Variants in STK33 observed in about 807,000 individuals in gnomAD.
STK33 encodes serine/threonine-protein kinase 33.
STK33 carries 52 observed loss-of-function variants against 58.0 expected under a neutral mutation model. The ratio of observed to expected loss-of-function variants is 0.90; its 90% CI spans 0.72 to 1.13. STK33 has a LOEUF of 1.13. Ranked by LOEUF, STK33 falls within the 50% of genes most tolerant of loss-of-function variation. The probability of loss-of-function intolerance (pLI) is 0.00; values close to 1 mark genes in which losing one functional copy is unlikely to be tolerated. For synonymous variants in STK33, 215 were observed against 200.1 expected (o/e 1.07, Z -0.63); for missense variants, 630 against 604.2 (o/e 1.04, Z -0.45).
At chr11:8,419,860 T>C (rs1043228019) in intron 14 of STK33, among the ~76,000 whole-genome samples, 1 of 152,230 alleles carries the variant, frequency 6.6e-6, no homozygotes, top group African/African-American at 2.4e-5. Flanking sequence ...GACTTAATGA[T>C]GGTTATCTTT....
intron 15 of STK33, among the ~76,000 whole-genome samples, chr11:8,397,929 C>T (rs182446133): frequency 1.1e-3 from 175 of 152,192 alleles, no homozygotes; most frequent in African/African-American, 3.8e-3. Context: ...TAAAAAGAAA[C>T]GAACAAAGCC....
chr11:8,436,155 T>A lies in STK33; in HGVS notation c.948-16A>T. ...TCCACGTAATCTGCAACAAAGGCAATCACTTTGTTTAAATTTTTTAAATAA... is the reference window on the plus strand; with the variant it reads ...TCCACGTAATCTGCAACAAAGGCAAACACTTTGTTTAAATTTTTTAAATAA... On this transcript the variant is annotated splice_polypyrimidine_tract_variant and intron_variant, in intron 12 of 15. Coordinates refer to ENST00000687296, the MANE Select transcript of STK33 (RefSeq NM_001352389.2). The A allele has an allele frequency of 6.9e-7, 1 of 1,448,842 alleles. No homozygotes were observed. The highest frequency in any genetic ancestry group is 1.4e-5 in the South Asian group (1 of 72,316). 89.7% of individuals were successfully genotyped at this position (1,448,842 alleles called of 1,614,324 possible). A position where few individuals can be genotyped will look rare whatever the true frequency, so the allele number is the denominator to read the frequency against.
intron 1 of STK33, among the ~76,000 whole-genome samples, chr11:8,481,680 T>TA (rs1208093187): frequency 1.3e-5 from 2 of 152,164 alleles, no homozygotes; most frequent in Non-Finnish European, 2.9e-5. Context: ...CTAGCCTGAC[T>TA]CCAGCCAGGC....
chr11:8,587,704 T>C (rs2031933725), intron 1 of STK33, among the ~76,000 whole-genome samples: 1 of 151,818 alleles, frequency 6.6e-6, no homozygotes, highest in Non-Finnish European at 1.5e-5. Flanking sequence ...GTAGGGAAAA[T>C]CTTAAGGCCT....
chr11:8,478,125 T>C (rs2138063375), intron 2 of STK33, among the ~76,000 whole-genome samples: 1 of 152,322 alleles, frequency 6.6e-6, no homozygotes, highest in South Asian at 2.1e-4. Context: ...ATTTACGAAT[T>C]GATCTGAAAG....
intron 1 of STK33, among the ~76,000 whole-genome samples, chr11:8,586,541 G>C (rs1195079359): frequency 6.6e-6 from 1 of 151,896 alleles, no homozygotes; most frequent in Non-Finnish European, 1.5e-5. Context: ...TTATTGGCTT[G>C]GGCTGGACAC....
the STK33 span, among the ~76,000 whole-genome samples, chr11:8,376,360 G>T: frequency 6.6e-6 from 1 of 152,144 alleles, no homozygotes; most frequent in African/African-American, 2.4e-5. Flanking sequence ...TGTTGGGTGG[G>T]GCTGGGTGGA....
chr11:8,399,335 AT>A (rs1849961544), intron 15 of STK33, among the ~76,000 whole-genome samples: 2 of 152,168 alleles, frequency 1.3e-5, no homozygotes, highest in Non-Finnish European at 2.9e-5. Context: ...GCTCAACTAC[AT>A]GGAAACTGAA....
chr11:8,398,441 T>TAAA (rs1422981695), intron 15 of STK33, among the ~76,000 whole-genome samples: 2 of 152,104 alleles, frequency 1.3e-5, no homozygotes. Context: ...AGGCCTGCCC[T>TAAA]AAAAGAGCTC....
intron 15 of STK33, among the ~76,000 whole-genome samples, chr11:8,408,866 A>C (rs1939720194): frequency 6.6e-6 from 1 of 152,204 alleles, no homozygotes; most frequent in African/African-American, 2.4e-5. Flanking sequence ...GATGTGCTTA[A>C]TTCCCCCTGC....
intron 1 of STK33, among the ~76,000 whole-genome samples, chr11:8,558,624 G>A (rs767792296): frequency 2.6e-5 from 4 of 152,158 alleles, no homozygotes; most frequent in Non-Finnish European, 4.4e-5. Flanking sequence ...CACCAGATGC[G>A]GGTGGGTGTG....
At chr11:8,344,230 C>CACACACACACACACACACA in the STK33 span, among the ~76,000 whole-genome samples, 14 of 147,496 alleles carry the variant, frequency 9.5e-5, no homozygotes, top group South Asian at 2.1e-4. Context: ...CACACACACA[C>CACACACACACACACACACA]CCCAGTTAGC....
At chr11:8,546,222 T>G (rs1213451562) in intron 1 of STK33, among the ~76,000 whole-genome samples, 1 of 152,226 alleles carries the variant, frequency 6.6e-6, no homozygotes. Flanking sequence ...CTGTACACTG[T>G]GCAAATACTT....
intron 1 of STK33, among the ~76,000 whole-genome samples, chr11:8,563,837 G>A (rs9300090): frequency 0.62 from 93,961 of 152,030 alleles, 31,053 homozygotes; most frequent in African/African-American, 0.87. Flanking sequence ...GCAATCAGTT[G>A]GCCAGGGAAA....
chr11:8,433,010 A>C (rs1943598141), intron 14 of STK33, among the ~76,000 whole-genome samples: 1 of 152,198 alleles, frequency 6.6e-6, no homozygotes, highest in South Asian at 2.1e-4. Context: ...AAATGGCCCA[A>C]CCCGAATGTT....
At position 8,457,378 on chromosome 11, in the gene STK33, TTGAA is replaced by T; in HGVS notation, c.656_659del (p.Ile219LysfsTer7). 1 of 1,606,012 alleles carries T rather than the reference TTGAA, an allele frequency of 6.2e-7. No individual in the cohort carries two copies. The highest frequency in any genetic ancestry group is 1.3e-5 in the African/African-American group (1 of 74,958). The stretch of plus-strand genomic sequence containing the variant: ...GATATGCTATAGCTGATGCGAGACT[TTGAA>T]TGATCCACCTTGTCTCATTCTCTGA... On this transcript the variant is annotated frameshift_variant, in exon 9 of 16. Coordinates refer to ENST00000687296, the MANE Select transcript of STK33 (RefSeq NM_001352389.2). LOFTEE classifies it high-confidence loss of function.
intron 11 of STK33, among the ~76,000 whole-genome samples, chr11:8,451,876 G>A (rs1267888291): frequency 6.6e-6 from 1 of 150,662 alleles, no homozygotes; most frequent in Non-Finnish European, 1.5e-5. Context: ...AGTACTCCAT[G>A]AAAAACTGTT....
chr11:8,371,607 T>TC, the STK33 span, among the ~76,000 whole-genome samples: 31 of 111,530 alleles, frequency 2.8e-4, no homozygotes, highest in African/African-American at 8.6e-4. Context: ...TCCTTTCTCT[T>TC]TCTTTCTCTT....
At chr11:8,379,681 T>C in the STK33 span, among the ~76,000 whole-genome samples, 1 of 152,290 alleles carries the variant, frequency 6.6e-6, no homozygotes, top group African/African-American at 2.4e-5. Flanking sequence ...ATAGGTAAAC[T>C]TGTGTCATGG....
Sources: allele counts gnomAD v4.1 joint callset (sites outside exome capture counted in the v4.1 genomes callset), GRCh38; gene constraint gnomAD v4.1.1; transcripts MANE v1.5; gene names NCBI Gene and HGNC (gene_info 2026-07-23, HGNC 2026-07-21).